Variants in PDE7B observed in about 807,000 individuals in gnomAD.
PDE7B encodes phosphodiesterase 7B, also known as 3',5'-cyclic-AMP phosphodiesterase 7B.
PDE7B carries 29 observed loss-of-function variants against 56.2 expected under a neutral mutation model. The observed-to-expected ratio is 0.52, with a 90% CI of 0.38 to 0.70. The LOEUF (loss-of-function observed/expected upper bound fraction) is 0.70, where lower values mean the gene tolerates loss of function less well. Ranked by LOEUF, PDE7B falls within the 30% of genes least tolerant of loss-of-function variation. The pLI, the probability that PDE7B is intolerant of heterozygous loss-of-function variation, is 0.00. For synonymous variants in PDE7B, 197 were observed against 196.9 expected (o/e 1.00, Z 0.00); for missense variants, 490 against 565.0 (o/e 0.87, Z 1.35).
At chr6:136,134,202 CAG>C (rs1337824051) in intron 3 of PDE7B, among the ~76,000 whole-genome samples, 7 of 152,016 alleles carry the variant, frequency 4.6e-5, no homozygotes, top group Admixed American at 3.9e-4. Context: ...AGTAAACTAG[CAG>C]AGACACTGAA....
intron 2 of PDE7B, among the ~76,000 whole-genome samples, chr6:136,051,009 C>A (rs989231148): frequency 6.6e-6 from 1 of 151,904 alleles, no homozygotes; most frequent in Non-Finnish European, 1.5e-5. Context: ...GTTAGAAATA[C>A]AATTGAAGTG....
chr6:136,185,344 A>G (rs375872123), intron 11 of PDE7B, among the ~76,000 whole-genome samples: 2 of 152,102 alleles, frequency 1.3e-5, no homozygotes, highest in East Asian at 3.9e-4. Context: ...CAGGCTCCCC[A>G]CTTTACTAGT....
chr6:136,115,223 A>G (rs1777811552), intron 3 of PDE7B, among the ~76,000 whole-genome samples: 2 of 152,204 alleles, frequency 1.3e-5, no homozygotes, highest in Non-Finnish European at 2.9e-5. Context: ...AACAGCATAC[A>G]TAATATGAGA....
intron 2 of PDE7B, among the ~76,000 whole-genome samples, chr6:136,079,869 A>C (rs1358021952): frequency 6.6e-6 from 1 of 152,108 alleles, no homozygotes; most frequent in Non-Finnish European, 1.5e-5. Flanking sequence ...CTCACTGAGA[A>C]TGAGTGTGAG....
chr6:135,899,889 T>C (rs969077997), intron 1 of PDE7B, among the ~76,000 whole-genome samples: 1 of 145,958 alleles, frequency 6.9e-6, no homozygotes, highest in Non-Finnish European at 1.6e-5. Context: ...GGATATATGA[T>C]TTTTTGTTAA....
chr6:135,905,517 A>G (rs1421652317), intron 1 of PDE7B, among the ~76,000 whole-genome samples: 4 of 152,156 alleles, frequency 2.6e-5, no homozygotes, highest in Admixed American at 2.6e-4. Context: ...CTTTCACTAT[A>G]ATCATCACGT....
intron 3 of PDE7B, chr6:136,111,033 C>A (rs2128442256): frequency 6.6e-6 from 1 of 152,288 alleles, no homozygotes; most frequent in Middle Eastern, 3.4e-3. Flanking sequence ...TGGCCATCCA[C>A]CCGGAAATTC....
chr6:136,179,868 T>C (rs1487013166), intron 10 of PDE7B, among the ~76,000 whole-genome samples: 1 of 152,230 alleles, frequency 6.6e-6, no homozygotes. Flanking sequence ...TTGAATTACA[T>C]TGGATCAAGT....
intron 1 of PDE7B, among the ~76,000 whole-genome samples, chr6:135,866,336 T>G (rs927085255): frequency 1.3e-5 from 2 of 152,214 alleles, no homozygotes; most frequent in Admixed American, 1.3e-4. Context: ...ATCAAAATCA[T>G]AAACTAAGTA....
chr6:136,151,830 T>TTGG (rs1359823715), intron 6 of PDE7B, among the ~76,000 whole-genome samples: 1 of 93,640 alleles, frequency 1.1e-5, no homozygotes, highest in Non-Finnish European at 2.1e-5. Flanking sequence ...TCCCAGCTAC[T>TTGG]TGGGAGGCTG....
chr6:135,993,452 A>G (rs531137602), intron 2 of PDE7B, among the ~76,000 whole-genome samples: 14 of 152,136 alleles, frequency 9.2e-5, no homozygotes, highest in Non-Finnish European at 1.9e-4. Flanking sequence ...TATTTTTGAA[A>G]GCTCCCCAGG....
chr6:136,037,752 C>T, intron 2 of PDE7B: 1 of 985,490 alleles, frequency 1.0e-6, no homozygotes, highest in Non-Finnish European at 1.2e-6. Flanking sequence ...AGCCCCGCTT[C>T]TTTGCCTGAA....
chr6:136,008,633 T>C lies in PDE7B; in HGVS notation c.82+61109T>C, dbSNP rs1460164774. On this transcript the variant is annotated intron_variant, in intron 2 of 12. Transcript: ENST00000308191. Reference sequence around the variant, plus strand: ...GTCTTTTGGCTGCATAAATGTCTTCTTTTGAGAAGTGTCTGTTCACGTCCT... The same window carrying C: ...GTCTTTTGGCTGCATAAATGTCTTCCTTTGAGAAGTGTCTGTTCACGTCCT... 2.6e-5 allele frequency among the ~76,000 whole-genome samples: 4 copies of C among 152,266 alleles called. No homozygotes were observed. The East Asian group carries it at 7.7e-4, about 29-fold the overall frequency.
intron 1 of PDE7B, among the ~76,000 whole-genome samples, chr6:135,892,071 C>A (rs1453645414): frequency 6.6e-6 from 1 of 152,084 alleles, no homozygotes; most frequent in African/African-American, 2.4e-5. Flanking sequence ...TTATTGTTTA[C>A]TATGTACCCA....
intron 3 of PDE7B, among the ~76,000 whole-genome samples, chr6:136,146,984 A>T (rs933828944): frequency 6.6e-6 from 1 of 152,078 alleles, no homozygotes; most frequent in African/African-American, 2.4e-5. Flanking sequence ...TCCACAAAAA[A>T]TATAAATATT....
At chr6:136,093,538 A>G (rs1211179552) in intron 2 of PDE7B, among the ~76,000 whole-genome samples, 1 of 152,246 alleles carries the variant, frequency 6.6e-6, no homozygotes, top group Non-Finnish European at 1.5e-5. Flanking sequence ...GAACAGACCC[A>G]TGGCCATGTG....
chr6:135,904,104 C>T (rs962063845), intron 1 of PDE7B, among the ~76,000 whole-genome samples: 6 of 152,154 alleles, frequency 3.9e-5, no homozygotes, highest in African/African-American at 1.4e-4. Context: ...TATTTATATT[C>T]AAATACCACA....
chr6:136,155,485 A>ATTT, intron 7 of PDE7B, 142 bp from the exon 8 acceptor site: 1 of 687,690 alleles, frequency 1.5e-6, no homozygotes. Context: ...CTATCACCTC[A>ATTT]TTTAATGCTT....
chr6:136,052,329 G>C (rs1223434994), intron 2 of PDE7B, among the ~76,000 whole-genome samples: 1 of 152,238 alleles, frequency 6.6e-6, no homozygotes, highest in African/African-American at 2.4e-5. Context: ...GATTTGCTGG[G>C]AAGAAAGATA....
Sources: allele counts gnomAD v4.1 joint callset (sites outside exome capture counted in the v4.1 genomes callset), GRCh38; gene constraint gnomAD v4.1.1; transcripts MANE v1.5; gene names NCBI Gene and HGNC (gene_info 2026-07-23, HGNC 2026-07-21).